CALCRL: variants seen among roughly 807,000 people sequenced by gnomAD.
The protein encoded by CALCRL is calcitonin receptor like receptor.
A neutral mutation model predicts 60.4 loss-of-function variants in CALCRL; 27 were observed. That is an observed-to-expected ratio of 0.45 (90% CI 0.33 to 0.62). The LOEUF is 0.62. Ranked by LOEUF, CALCRL falls within the 20% of genes least tolerant of loss-of-function variation. The probability of loss-of-function intolerance (pLI) is 0.03; values close to 1 mark genes in which losing one functional copy is unlikely to be tolerated. For missense variants in CALCRL, 424 were observed against 540.7 expected, an observed-to-expected ratio of 0.78 and a Z score of 2.14; for synonymous variants, 190 against 182.6, an observed-to-expected ratio of 1.04 and a Z score of -0.33.
intron 1 of CALCRL, among the ~76,000 whole-genome samples, chr2:187,437,030 T>G (rs762228107): frequency 3.3e-5 from 5 of 152,152 alleles, no homozygotes; most frequent in African/African-American, 4.8e-5. Flanking sequence ...GGATATACTT[T>G]GTTCTGGTTG....
chr2:187,400,919 G>A (rs79757224), intron 1 of CALCRL, among the ~76,000 whole-genome samples: 353 of 151,568 alleles, frequency 2.3e-3, no homozygotes, highest in Admixed American at 5.5e-3. Flanking sequence ...ATGGGTACAG[G>A]GATTTTATTC....
At chr2:187,413,282 A>AT (rs140655665) in intron 1 of CALCRL, among the ~76,000 whole-genome samples, 2,291 of 152,266 alleles carry the variant, frequency 0.015, 60 homozygotes, top group African/African-American at 0.052. Flanking sequence ...TCACATGGGC[A>AT]TAGCACTTAC....
intron 8 of CALCRL, among the ~76,000 whole-genome samples, chr2:187,369,091 T>G (rs1350217228): frequency 4.6e-5 from 7 of 152,124 alleles, no homozygotes. Flanking sequence ...GAGGATAAAT[T>G]ATTGCTCTTC....
rs116531883 is a variant in CALCRL, at chr2:187,343,067, G to T, written c.*3117C>A. The T allele has an allele frequency of 6.6e-6, 1 of 151,384 alleles. No homozygotes were observed. The highest frequency in any genetic ancestry group is 1.5e-5 in the Non-Finnish European group (1 of 67,568). 9.4% of individuals were successfully genotyped at this position (151,384 alleles called of 1,614,324 possible). A position where few individuals can be genotyped will look rare whatever the true frequency, so the allele number is the denominator to read the frequency against. The stretch of plus-strand genomic sequence containing the variant: ...CTTCTTTCAGCATAAGAAGGAGTTT[G>T]CATCCATTGTAGTATAGTTGGATTT... On this transcript the variant is annotated 3_prime_UTR_variant, in exon 15 of 15. Coordinates refer to ENST00000392370, the MANE Select transcript of CALCRL (RefSeq NM_005795.6).
chr2:187,349,607 A>G (rs1686438660), intron 14 of CALCRL, among the ~76,000 whole-genome samples: 1 of 151,682 alleles, frequency 6.6e-6, no homozygotes, highest in South Asian at 2.1e-4. Flanking sequence ...GAAGAAAAGG[A>G]ACAGATATTA....
At chr2:187,380,826 T>G (rs757697294) in intron 5 of CALCRL, 39 bp from the exon 6 acceptor site, 1 of 1,483,588 alleles carries the variant, frequency 6.7e-7, no homozygotes, top group Non-Finnish European at 9.3e-7. Flanking sequence ...ATTAAATCCT[T>G]CTACTTATAC....
intron 8 of CALCRL, among the ~76,000 whole-genome samples, chr2:187,365,719 A>T (rs956031599): frequency 6.6e-6 from 1 of 152,262 alleles, no homozygotes; most frequent in African/African-American, 2.4e-5. Flanking sequence ...CTATTCTGCC[A>T]TTAAAAAAAT....
At chr2:187,354,640 G>A (rs943330819) in intron 12 of CALCRL, among the ~76,000 whole-genome samples, 2 of 151,992 alleles carry the variant, frequency 1.3e-5, no homozygotes, top group African/African-American at 4.8e-5. Context: ...TGATTTATCC[G>A]GACAGAAAAA....
intron 10 of CALCRL, among the ~76,000 whole-genome samples, chr2:187,360,220 AGATGTTT>A (rs1365007045): frequency 6.6e-6 from 1 of 152,086 alleles, no homozygotes; most frequent in African/African-American, 2.4e-5. Flanking sequence ...GGAACTTCAA[AGATGTTT>A]GAACCCAATG....
chr2:187,351,481 C>T lies in CALCRL; in HGVS notation c.1170+439G>A, dbSNP rs376038624. On this transcript the variant is annotated intron_variant, in intron 14 of 14. Transcript: ENST00000392370. ...AAGAGTTTAATTTTTAAAATCCTTT[C>T]GTATTTGCCATAAAGTTGTTTCCAT... Among the ~76,000 whole-genome samples, 24 of 151,768 alleles carry T rather than the reference C, an allele frequency of 1.6e-4. 1 individual carries two copies. Among genetic ancestry groups the T allele is most frequent in the South Asian group, 6.2e-4 (3 of 4,818 alleles).
At chr2:187,365,794 A>G (rs1687250353) in intron 8 of CALCRL, among the ~76,000 whole-genome samples, 1 of 152,198 alleles carries the variant, frequency 6.6e-6, no homozygotes, top group Non-Finnish European at 1.5e-5. Flanking sequence ...GAAATAAGCC[A>G]TGAACAGAAA....
chr2:187,426,254 T>TG (rs398105094), intron 1 of CALCRL, among the ~76,000 whole-genome samples: 1 of 151,486 alleles, frequency 6.6e-6, no homozygotes, highest in African/African-American at 2.4e-5. Flanking sequence ...TTTTTTTTTT[T>TG]GCAGACGTGT....
At chr2:187,398,726 T>C (rs1328713801) in intron 1 of CALCRL, among the ~76,000 whole-genome samples, 1 of 151,580 alleles carries the variant, frequency 6.6e-6, no homozygotes, top group African/African-American at 2.4e-5. Flanking sequence ...ATTTGTATTG[T>C]TGTTATTAGG....
chr2:187,386,940 A>T (rs752660788), intron 3 of CALCRL, among the ~76,000 whole-genome samples: 1 of 152,086 alleles, frequency 6.6e-6, no homozygotes, highest in Non-Finnish European at 1.5e-5. Context: ...TGTGCTTTTC[A>T]CCTTCTGCCA....
chr2:187,370,391 C>T (rs753399061), intron 8 of CALCRL, among the ~76,000 whole-genome samples: 15 of 152,032 alleles, frequency 9.9e-5, no homozygotes, highest in South Asian at 8.3e-4. Flanking sequence ...TTTCAAATAA[C>T]GAAGTTTTAA....
At chr2:187,384,376 ATGATTTTTAT>A (rs1301402835) in intron 4 of CALCRL, among the ~76,000 whole-genome samples, 6 of 152,184 alleles carry the variant, frequency 3.9e-5, no homozygotes, top group African/African-American at 1.4e-4. Context: ...AAAAATCCAT[ATGATTTTTAT>A]CCCTACTTGG....
intron 1 of CALCRL, among the ~76,000 whole-genome samples, chr2:187,399,519 C>G (rs61080294): frequency 0.044 from 6,650 of 151,452 alleles, 295 homozygotes; most frequent in East Asian, 0.19. Context: ...AAATTATAAA[C>G]TTTGTGTTCA....
intron 1 of CALCRL, among the ~76,000 whole-genome samples, chr2:187,444,590 A>G (rs1416468725): frequency 6.6e-6 from 1 of 151,560 alleles, no homozygotes. Context: ...TAATTGAAGA[A>G]AAAAATGGAA....
chr2:187,427,299 G>T (rs1183619177), intron 1 of CALCRL, among the ~76,000 whole-genome samples: 1 of 152,132 alleles, frequency 6.6e-6, no homozygotes, highest in Non-Finnish European at 1.5e-5. Context: ...TGTGGTAAGG[G>T]TATGGATAAC....
Sources: gnomAD v4.1 joint callset for allele counts (sites outside exome capture counted in the v4.1 genomes callset) on GRCh38, gnomAD v4.1.1 for gene constraint, MANE v1.5 for transcripts, NCBI Gene and HGNC (gene_info 2026-07-23, HGNC 2026-07-21) for gene names.